The following MN1 variants were observed in gnomAD, a reference collection of about 807,000 sequenced individuals.
The protein encoded by MN1 is transcriptional activator MN1.
MN1 carries 19 observed loss-of-function variants against 86.9 expected under a neutral mutation model. That is an observed-to-expected ratio of 0.22 (90% CI 0.15 to 0.32). The LOEUF (loss-of-function observed/expected upper bound fraction) is 0.32. Among genes scored for constraint, MN1 ranks in the 10% least tolerant of loss-of-function variants. MN1 has a pLI of 1.00. For synonymous variants in MN1, 928 were observed against 849.6 expected (o/e 1.09, Z -1.60); for missense variants, 1,841 against 1,862.0 (o/e 0.99, Z 0.21).
chr22:27,770,008 C>T (rs953910998), intron 1 of MN1, among the ~76,000 whole-genome samples: 2 of 152,178 alleles, frequency 1.3e-5, no homozygotes, highest in African/African-American at 4.8e-5. Flanking sequence ...CAGTAAGACT[C>T]GCCCAAGGCC....
At chr22:27,790,791 C>T (rs1201909370) in intron 1 of MN1, among the ~76,000 whole-genome samples, 1 of 152,186 alleles carries the variant, frequency 6.6e-6, no homozygotes, top group African/African-American at 2.4e-5. Context: ...TCCACGTACG[C>T]TCACGCACAA....
chr22:27,791,882 G>A (rs1420410047), intron 1 of MN1: 1 of 152,214 alleles, frequency 6.6e-6, no homozygotes, highest in Non-Finnish European at 1.5e-5. Context: ...CCAGCATAAA[G>A]TGAGTTTAGG....
rs377485634 is a variant in MN1 at position 27,750,781 on chromosome 22, G to GA, written c.*133dup. On this transcript the variant is annotated 3_prime_UTR_variant, in exon 2 of 2. Transcript: ENST00000302326. ...GCCACTAAGCAGGTACCAACCTAGA[G>GA]AAAAAAAAAAAACTCATCCACTCAG... 54,771 of 463,614 alleles carry GA rather than the reference G, an allele frequency of 0.12. 80 individuals carry two copies. Among genetic ancestry groups the GA allele is most frequent in the East Asian group, 0.23 (4,719 of 20,484 alleles). The allele number at this position is 463,614 out of a possible 1,614,324, so 28.7% of individuals were successfully genotyped here. A position where few individuals can be genotyped will look rare whatever the true frequency, so the allele number is the denominator to read the frequency against.
At chr22:27,763,267 T>C (rs1932846483) in intron 1 of MN1, among the ~76,000 whole-genome samples, 1 of 152,246 alleles carries the variant, frequency 6.6e-6, no homozygotes, top group Admixed American at 6.5e-5. Flanking sequence ...ATGGAGCACC[T>C]GCCTCATCCC....
intron 1 of MN1, among the ~76,000 whole-genome samples, chr22:27,755,729 C>G (rs45495493): frequency 1.3e-5 from 2 of 152,190 alleles, no homozygotes; most frequent in Non-Finnish European, 2.9e-5. Flanking sequence ...GCTGCGATCA[C>G]GAGACCCACG....
intron 1 of MN1, among the ~76,000 whole-genome samples, chr22:27,795,425 T>G (rs2146314292): frequency 6.6e-6 from 1 of 151,536 alleles, no homozygotes; most frequent in East Asian, 2.0e-4. Flanking sequence ...TCACCTTAAA[T>G]CCAGGGTCAA....
In MN1 at chr22:27,759,235, G is replaced by A. The variant is rs2267112; in HGVS notation, c.3782-8139C>T. ...GGCCCCCACAGCCCAACTAGAACCC[G>A]TCTGCGGGGCCCCACAACCCCAAGA... On this transcript the variant is annotated intron_variant, in intron 1 of 1. Transcript: ENST00000302326. Among the ~76,000 whole-genome samples, 535 of 152,148 alleles carry A rather than the reference G, an allele frequency of 3.5e-3. 22 individuals are homozygous for A. The East Asian group carries it at 0.085, about 24-fold the overall frequency.
intron 1 of MN1, among the ~76,000 whole-genome samples, chr22:27,794,748 G>T (rs1378431278): frequency 1.3e-5 from 2 of 151,988 alleles, no homozygotes; most frequent in Non-Finnish European, 2.9e-5. Context: ...GTCTATGAAG[G>T]CCCTTTAAAA....
At chr22:27,772,091 T>C (rs908268099) in intron 1 of MN1, among the ~76,000 whole-genome samples, 9 of 152,208 alleles carry the variant, frequency 5.9e-5, no homozygotes, top group African/African-American at 1.9e-4. Context: ...GTTATGTGTG[T>C]CCTCCTGCCC....
chr22:27,784,865 ACTGCT>A (rs1196445184), intron 1 of MN1, among the ~76,000 whole-genome samples: 5 of 148,844 alleles, frequency 3.4e-5, no homozygotes, highest in Non-Finnish European at 7.4e-5. Context: ...AGAAATAAAT[ACTGCT>A]GGGTTGTGGG....
In MN1 at chr22:27,797,848, C is replaced by T. The variant is rs372371814; in HGVS notation, c.2696G>A (p.Ser899Asn). ...GGGCGGCCCCGAGGCTTTGGAGCCG[C>T]TGCTACTGGTCCCGGACGGGCCTCC... ...GPGGPSGTSS[S>N]GSKASGPPNP... The change falls in exon 1 of 2, where the codon AGC (serine) becomes AAC (asparagine). Residue 899 changes from serine (S) to asparagine (N), a missense_variant. Ser to Asn is a conservative substitution (Grantham distance 46, BLOSUM62 1). Coordinates refer to ENST00000302326, the MANE Select transcript of MN1 (RefSeq NM_002430.3). 1.9e-6 allele frequency: 3 copies of T among 1,579,860 alleles called. No individual in the cohort carries two copies. Among genetic ancestry groups the T allele is most frequent in the Non-Finnish European group, 2.6e-6 (3 of 1,165,016 alleles).
intron 1 of MN1, among the ~76,000 whole-genome samples, chr22:27,774,590 A>G (rs567063636): frequency 3.9e-5 from 6 of 152,192 alleles, no homozygotes; most frequent in South Asian, 2.1e-4. Context: ...TGGTACCTAC[A>G]TTTTTTTCCT....
At chr22:27,767,926 A>G (rs1445276209) in intron 1 of MN1, among the ~76,000 whole-genome samples, 3 of 152,194 alleles carry the variant, frequency 2.0e-5, no homozygotes. Context: ...CTCCCTTCAA[A>G]GGCAGGGACT....
intron 1 of MN1, among the ~76,000 whole-genome samples, chr22:27,784,888 G>T (rs886401652): frequency 4.6e-5 from 7 of 152,024 alleles, no homozygotes; most frequent in Admixed American, 6.6e-5. Context: ...GGGTCGGGGG[G>T]AGTTGGGGAG....
intron 1 of MN1, among the ~76,000 whole-genome samples, chr22:27,774,086 G>T (rs1420162276): frequency 6.6e-6 from 1 of 152,134 alleles, no homozygotes; most frequent in Non-Finnish European, 1.5e-5. Context: ...CACCTCCCGT[G>T]TGCCCAGATT....
At chr22:27,780,713 T>C (rs1203938237) in intron 1 of MN1, among the ~76,000 whole-genome samples, 3 of 152,076 alleles carry the variant, frequency 2.0e-5, no homozygotes, top group Non-Finnish European at 2.9e-5. Flanking sequence ...CTCACGCACA[T>C]CCCCTCTTCT....
Position 27,800,480 on chromosome 22 carries a change from T to C in MN1, c.64A>G (p.Asn22Asp), listed in dbSNP as rs1296149750. 1.2e-6 allele frequency: 2 copies of C among 1,614,034 alleles called. No homozygotes were observed. The highest frequency in any genetic ancestry group is 1.7e-6 in the Non-Finnish European group (2 of 1,180,024). The change falls in exon 1 of 2, where the codon AAC (asparagine) becomes GAC (aspartate). Residue 22 changes from asparagine to aspartate, a missense_variant. Asn to Asp is a conservative substitution (Grantham distance 23). Transcript: ENST00000302326. ...NSRNAGQGERNFNETGLSMNT... is the reference protein window; with the variant it reads ...NSRNAGQGERDFNETGLSMNT... ...ATGCTCAGTCCGGTCTCGTTAAAGT[T>C]CCTCTCGCCCTGGCCAGCGTTCCTG...
chr22:27,784,123 G>A (rs775842663), intron 1 of MN1, among the ~76,000 whole-genome samples: 6 of 152,166 alleles, frequency 3.9e-5, no homozygotes, highest in Non-Finnish European at 7.4e-5. Flanking sequence ...CCCAGAAGTC[G>A]TATAAAGGGG....
intron 1 of MN1, among the ~76,000 whole-genome samples, chr22:27,789,831 C>T (rs1360517270): frequency 2.0e-5 from 3 of 152,242 alleles, no homozygotes; most frequent in Admixed American, 6.5e-5. Context: ...CTCTCTGCTC[C>T]GGCTTCTCAA....
Sources: allele counts gnomAD v4.1 joint callset (sites outside exome capture counted in the v4.1 genomes callset), GRCh38; gene constraint gnomAD v4.1.1; transcripts MANE v1.5; gene names NCBI Gene and HGNC (gene_info 2026-07-23, HGNC 2026-07-21).